MAN1C1: variants seen among roughly 807,000 people sequenced by gnomAD.
MAN1C1 encodes the protein mannosidase alpha class 1C member 1, also known as mannosyl-oligosaccharide 1,2-alpha-mannosidase IC.
MAN1C1 carries 49 observed loss-of-function variants against 71.5 expected under a neutral mutation model. That is an observed-to-expected ratio of 0.69 (90% CI 0.54 to 0.87). The LOEUF (loss-of-function observed/expected upper bound fraction) is 0.87. MAN1C1 is among the 40% of genes least tolerant of loss of function. MAN1C1 has a pLI of 0.00. For synonymous variants in MAN1C1, 352 were observed against 343.7 expected (o/e 1.02, Z -0.27); for missense variants, 743 against 835.0 (o/e 0.89, Z 1.36).
At chr1:25,689,908 G>C (rs1033254133) in intron 2 of MAN1C1, among the ~76,000 whole-genome samples, 1 of 152,200 alleles carries the variant, frequency 6.6e-6, no homozygotes, top group East Asian at 1.9e-4. Flanking sequence ...TGCAGGGCTG[G>C]CAGGGCTGTG....
rs762943064 is a variant in MAN1C1 at position 25,753,616 on chromosome 1, C to T, written c.929+38C>T. The T allele has an allele frequency of 8.3e-6, 13 of 1,564,486 alleles. No homozygotes were observed. Among genetic ancestry groups the T allele is most frequent in the South Asian group, 2.3e-5 (2 of 88,812 alleles). ...CGCGTTCCCCACTGGGGCTTTACTGCGACCATGCCCACCATTTGTGTTTTG... is the reference window on the plus strand; with the variant it reads ...CGCGTTCCCCACTGGGGCTTTACTGTGACCATGCCCACCATTTGTGTTTTG... On this transcript the variant is annotated intron_variant, in intron 5 of 11. Coordinates refer to ENST00000374332, the MANE Select transcript of MAN1C1 (RefSeq NM_020379.4). The surrounding 1 kb of genome is among the most constrained non-coding windows in gnomAD (Gnocchi z 4.9).
Position 25,775,201 on chromosome 1 carries a change from TGC to T in MAN1C1, c.1258-2903_1258-2902del, listed in dbSNP as rs950015593. Among the ~76,000 whole-genome samples, 3 of 152,216 alleles carry T rather than the reference TGC, an allele frequency of 2.0e-5. No homozygotes were observed. Among genetic ancestry groups the T allele is most frequent in the Admixed American group, 2.0e-4 (3 of 15,288 alleles). On this transcript the variant is annotated intron_variant, in intron 8 of 11. Coordinates refer to ENST00000374332, the MANE Select transcript of MAN1C1 (RefSeq NM_020379.4). The surrounding 1 kb of genome is among the most constrained non-coding windows in gnomAD (Gnocchi z 5.1). Reference sequence around the variant, plus strand: ...TTTCTGAGCCCTGACACTCCTCCCCTGCACCGCAGGCTTAGTGACGCCGAGCA... The same window carrying T: ...TTTCTGAGCCCTGACACTCCTCCCCTACCGCAGGCTTAGTGACGCCGAGCA...
At chr1:25,716,463 GC>G (rs1212705720) in intron 2 of MAN1C1, among the ~76,000 whole-genome samples, 3 of 152,198 alleles carry the variant, frequency 2.0e-5, no homozygotes, top group Non-Finnish European at 2.9e-5. Flanking sequence ...CTTCTGAGCA[GC>G]TGGGACCACA....
intron 5 of MAN1C1, among the ~76,000 whole-genome samples, chr1:25,754,873 G>A (rs1052890403): frequency 1.3e-5 from 2 of 152,220 alleles, no homozygotes; most frequent in Non-Finnish European, 2.9e-5. Context: ...TGTCCGTGCC[G>A]TGTGCGCATG....
chr1:25,768,484 C>T (rs2047489615), intron 7 of MAN1C1, among the ~76,000 whole-genome samples: 1 of 123,726 alleles, frequency 8.1e-6, no homozygotes, highest in Non-Finnish European at 1.7e-5. Context: ...ATTACACACT[C>T]CCCCACACAG....
At chr1:25,707,958 G>A (rs747576436) in intron 2 of MAN1C1, among the ~76,000 whole-genome samples, 6 of 152,208 alleles carry the variant, frequency 3.9e-5, no homozygotes, top group Non-Finnish European at 8.8e-5. Flanking sequence ...CAGAAGTCAT[G>A]AACTGGCTGT....
rs367982551 is a variant in MAN1C1, at chr1:25,701,118, G to A, written c.637+14582G>A. ...GTTGTCAAGGATCATTTTAATATTC[G>A]TTTATGGAGGAAGGGGCGGCAAAGG... On this transcript the variant is annotated intron_variant, in intron 2 of 11. Coordinates refer to ENST00000374332, the MANE Select transcript of MAN1C1 (RefSeq NM_020379.4). Among the ~76,000 whole-genome samples the A allele has an allele frequency of 5.1e-4, 77 of 152,344 alleles. 3 individuals are homozygous for A. The South Asian group carries it at 0.014, about 29-fold the overall frequency.
intron 1 of MAN1C1, among the ~76,000 whole-genome samples, chr1:25,676,676 G>T (rs149259894): frequency 6.6e-6 from 1 of 152,180 alleles, no homozygotes. Flanking sequence ...GCTGGGAGAC[G>T]CCAGTAAGGC....
At chr1:25,760,254 A>G (rs1193003460) in intron 6 of MAN1C1, 4 of 152,164 alleles carry the variant, frequency 2.6e-5, no homozygotes, top group Non-Finnish European at 5.9e-5. Context: ...TCCCATATTT[A>G]CAGAGGAGGA....
chr1:25,757,500 CGGGG>C (rs4018193), intron 5 of MAN1C1, among the ~76,000 whole-genome samples: 101,839 of 150,636 alleles, frequency 0.68, 34,508 homozygotes, highest in Middle Eastern at 0.85. Context: ...AACTGAGGCA[CGGGG>C]GGGGGGGGCA....
At position 25,618,066 on chromosome 1, in the gene MAN1C1, C is replaced by T; in HGVS notation, c.269C>T (p.Ala90Val). 1.3e-6 allele frequency: 2 copies of T among 1,544,934 alleles called. No homozygotes were observed. Among genetic ancestry groups the T allele is most frequent in the Non-Finnish European group, 1.7e-6 (2 of 1,151,108 alleles). Residue 90 changes from alanine (A) to valine (V), a missense_variant, in exon 1 of 12, where the codon GCC becomes GTC. Transcript: ENST00000374332. ...PPPNPAPAAP[A>V]PGEDDPSSWA... ...CCCAACCCGGCCCCCGCCGCGCCGG[C>T]CCCGGGCGAGGATGACCCCAGCAGC...
At chr1:25,625,600 G>A (rs1173316787) in intron 1 of MAN1C1, among the ~76,000 whole-genome samples, 1 of 152,216 alleles carries the variant, frequency 6.6e-6, no homozygotes, top group East Asian at 1.9e-4. Context: ...AGGATCACAT[G>A]AAGATAGAAG....
At chr1:25,676,206 G>T (rs1365456836) in intron 1 of MAN1C1, among the ~76,000 whole-genome samples, 1 of 152,204 alleles carries the variant, frequency 6.6e-6, no homozygotes, top group Non-Finnish European at 1.5e-5. Flanking sequence ...TGGGCAGGAT[G>T]TGGGTGAGCT....
chr1:25,676,664 C>A (rs373583170), intron 1 of MAN1C1, among the ~76,000 whole-genome samples: 25 of 152,334 alleles, frequency 1.6e-4, no homozygotes, highest in African/African-American at 6.0e-4. Flanking sequence ...CCAGGTGTCA[C>A]TGCTGGGAGA....
intron 1 of MAN1C1, among the ~76,000 whole-genome samples, chr1:25,680,716 T>C (rs756875214): frequency 5.3e-5 from 8 of 152,246 alleles, no homozygotes; most frequent in Non-Finnish European, 8.8e-5. Context: ...ATTCAATCAA[T>C]GGACATTTGG....
intron 1 of MAN1C1, among the ~76,000 whole-genome samples, chr1:25,638,863 T>C (rs969045449): frequency 2.0e-5 from 3 of 152,140 alleles, no homozygotes; most frequent in Non-Finnish European, 4.4e-5. Context: ...TGTTGATCTT[T>C]CTTGGGGTTT....
At chr1:25,757,625 T>A (rs577328940) in intron 5 of MAN1C1, among the ~76,000 whole-genome samples, 1 of 152,314 alleles carries the variant, frequency 6.6e-6, no homozygotes, top group Non-Finnish European at 1.5e-5. Flanking sequence ...CTTCACTGTG[T>A]CTTACGGATG....
intron 1 of MAN1C1, among the ~76,000 whole-genome samples, chr1:25,620,333 A>G (rs2045187973): frequency 2.0e-5 from 3 of 152,198 alleles, no homozygotes; most frequent in South Asian, 2.1e-4. Flanking sequence ...GTGTTCAGCT[A>G]GCCCTCTCTT....
chr1:25,743,988 CA>C (rs1370997802), intron 2 of MAN1C1, among the ~76,000 whole-genome samples: 3 of 152,220 alleles, frequency 2.0e-5, no homozygotes, highest in Non-Finnish European at 4.4e-5. Context: ...GGGGCTGGGC[CA>C]GTCCCCCCTT....
Sources: allele counts gnomAD v4.1 joint callset (sites outside exome capture counted in the v4.1 genomes callset), GRCh38; gene constraint gnomAD v4.1.1; non-coding constraint Gnocchi (gnomAD v3.1); transcripts MANE v1.5; gene names NCBI Gene and HGNC (gene_info 2026-07-23, HGNC 2026-07-21).